The following TAFA2 variants were observed in gnomAD, a reference collection of about 807,000 sequenced individuals.
TAFA2 encodes the protein TAFA chemokine like family member 2, also known as chemokine-like protein TAFA-2.
In TAFA2, 7 loss-of-function variants were observed where a neutral mutation model predicts 18.8. That is an observed-to-expected ratio of 0.37 (90% CI 0.21 to 0.70). The LOEUF (loss-of-function observed/expected upper bound fraction) is 0.70. Ranked by LOEUF, TAFA2 falls within the 30% of genes least tolerant of loss-of-function variation. The pLI, the probability that TAFA2 is intolerant of heterozygous loss-of-function variation, is 0.53. For synonymous variants in TAFA2, 60 were observed against 54.2 expected (o/e 1.11, Z -0.47); for missense variants, 122 against 158.1 (o/e 0.77, Z 1.23).
chr12:62,188,390 C>G (rs951540072), intron 1 of TAFA2, among the ~76,000 whole-genome samples: 24 of 152,280 alleles, frequency 1.6e-4, no homozygotes, highest in Non-Finnish European at 1.2e-4. Context: ...TGTTTGCACT[C>G]TGGTTGTTTC....
At chr12:61,891,337 G>C (rs1424392387) in intron 1 of TAFA2, among the ~76,000 whole-genome samples, 1 of 152,006 alleles carries the variant, frequency 6.6e-6, no homozygotes, top group Non-Finnish European at 1.5e-5. Context: ...AGAATCAATA[G>C]AAGAATCAGA....
At chr12:61,897,243 A>C (rs1452591365) in intron 1 of TAFA2, among the ~76,000 whole-genome samples, 1 of 152,176 alleles carries the variant, frequency 6.6e-6, no homozygotes, top group Non-Finnish European at 1.5e-5. Flanking sequence ...GTACATCCTT[A>C]ATGAATGTAT....
intron 1 of TAFA2, among the ~76,000 whole-genome samples, chr12:62,214,360 G>T (rs576743497): frequency 6.6e-6 from 1 of 152,062 alleles, no homozygotes; most frequent in African/African-American, 2.4e-5. Context: ...GCACAAGCTC[G>T]CTCTCTCTTT....
chr12:61,922,221 A>G (rs1877082109), intron 1 of TAFA2, among the ~76,000 whole-genome samples: 1 of 152,212 alleles, frequency 6.6e-6, no homozygotes, highest in South Asian at 2.1e-4. Context: ...ATGATCCAAT[A>G]AAAAGTAAAT....
chr12:62,039,473 A>G (rs1454246867), intron 1 of TAFA2, among the ~76,000 whole-genome samples: 2 of 152,086 alleles, frequency 1.3e-5, no homozygotes, highest in African/African-American at 4.8e-5. Context: ...GTTCTTACTC[A>G]CTCTGGACAA....
chr12:61,823,023 T>C (rs1008930999), intron 2 of TAFA2, among the ~76,000 whole-genome samples: 9 of 151,926 alleles, frequency 5.9e-5, no homozygotes, highest in African/African-American at 2.2e-4. Context: ...ACATAGGAAA[T>C]ACTCTTTTAG....
At chr12:61,962,162 T>A (rs912030917) in intron 1 of TAFA2, among the ~76,000 whole-genome samples, 1 of 152,062 alleles carries the variant, frequency 6.6e-6, no homozygotes, top group African/African-American at 2.4e-5. Context: ...AATGTAGAAC[T>A]TCCAGGAATT....
intron 1 of TAFA2, among the ~76,000 whole-genome samples, chr12:61,957,075 C>T (rs1878720608): frequency 6.6e-6 from 1 of 152,130 alleles, no homozygotes; most frequent in Non-Finnish European, 1.5e-5. Flanking sequence ...AGGTGTATCG[C>T]TGACAGAGAT....
chr12:61,880,552 T>C (rs1298958945), intron 1 of TAFA2: 2 of 491,720 alleles, frequency 4.1e-6, no homozygotes, highest in Admixed American at 4.1e-5. Flanking sequence ...AGAACATGAG[T>C]ATCTACTCAA....
chr12:61,772,072 A>G (rs1196004995), intron 2 of TAFA2, among the ~76,000 whole-genome samples: 3 of 152,114 alleles, frequency 2.0e-5, no homozygotes, highest in Non-Finnish European at 4.4e-5. Context: ...ACAGAAATAC[A>G]AAAGATCACT....
At chr12:61,952,590 A>G (rs1277986670) in intron 1 of TAFA2, among the ~76,000 whole-genome samples, 1 of 152,142 alleles carries the variant, frequency 6.6e-6, no homozygotes, top group Non-Finnish European at 1.5e-5. Context: ...GACCTTCAGA[A>G]CACAGTACTT....
chr12:61,756,048 A>C (rs1396727548), intron 2 of TAFA2, among the ~76,000 whole-genome samples: 4 of 152,036 alleles, frequency 2.6e-5, no homozygotes, highest in South Asian at 4.1e-4. Context: ...ACATAAGGAG[A>C]CCCATTGCAA....
intron 1 of TAFA2, among the ~76,000 whole-genome samples, chr12:62,243,018 T>C: frequency 6.6e-6 from 1 of 152,228 alleles, no homozygotes; most frequent in East Asian, 1.9e-4. Context: ...GATAACAATG[T>C]GTGTTTTACC....
At chr12:61,868,638 T>C (rs1874459591) in intron 1 of TAFA2, among the ~76,000 whole-genome samples, 2 of 152,266 alleles carry the variant, frequency 1.3e-5, no homozygotes, top group South Asian at 4.1e-4. Context: ...AACAGGTGGC[T>C]ATACAATTTC....
chr12:61,826,338 C>CTGTGTGTGTG (rs57736074), intron 2 of TAFA2, among the ~76,000 whole-genome samples: 2,758 of 149,124 alleles, frequency 0.018, 84 homozygotes, highest in African/African-American at 0.063. Flanking sequence ...ATTAGTTCAT[C>CTGTGTGTGTG]TGTGTGTGTG....
chr12:62,172,958 A>T (rs1290711941), intron 1 of TAFA2, among the ~76,000 whole-genome samples: 1 of 152,198 alleles, frequency 6.6e-6, no homozygotes, highest in Non-Finnish European at 1.5e-5. Flanking sequence ...CTATCTAACC[A>T]TAAAATGAGG....
At chr12:62,211,003 A>C (rs973447338) in intron 1 of TAFA2, among the ~76,000 whole-genome samples, 1 of 152,084 alleles carries the variant, frequency 6.6e-6, no homozygotes, top group Non-Finnish European at 1.5e-5. Context: ...AAGGAAACCT[A>C]TAGAAGTCAA....
intron 2 of TAFA2, among the ~76,000 whole-genome samples, chr12:61,843,461 T>C (rs1354906777): frequency 2.0e-5 from 3 of 152,114 alleles, no homozygotes; most frequent in Admixed American, 6.6e-5. Context: ...GGATAGTCCA[T>C]ACTTAGGATA....
At chr12:61,872,863 T>C (rs1874678132) in intron 1 of TAFA2, among the ~76,000 whole-genome samples, 1 of 35,132 alleles carries the variant, frequency 2.8e-5, no homozygotes, top group Non-Finnish European at 1.3e-4. Context: ...CCCTGCAGTT[T>C]CTCTCTCTCT....
Sources: allele counts gnomAD v4.1 joint callset (sites outside exome capture counted in the v4.1 genomes callset), GRCh38; gene constraint gnomAD v4.1.1; transcripts MANE v1.5; gene names NCBI Gene and HGNC (gene_info 2026-07-23, HGNC 2026-07-21).